RIMS1: variants seen among roughly 807,000 people sequenced by gnomAD.
The protein encoded by RIMS1 is regulating synaptic membrane exocytosis protein 1.
In RIMS1, 83 loss-of-function variants were observed where a neutral mutation model predicts 214.1. The observed-to-expected ratio is 0.39, with a 90% CI of 0.32 to 0.47. RIMS1 has a LOEUF of 0.47. RIMS1 is among the 20% of genes least tolerant of loss of function. RIMS1 has a pLI of 0.99. For missense variants in RIMS1, 2,050 were observed against 2,161.8 expected (o/e 0.95, Z 1.03); for synonymous variants, 793 against 786.8 (o/e 1.01, Z -0.13).
rs372934976 is a variant in RIMS1, at chr6:72,306,915, CAACA to C, written c.3851-338_3851-335del. Among the ~76,000 whole-genome samples, 833 of 152,206 alleles carry C rather than the reference CAACA, an allele frequency of 5.5e-3. 8 individuals carry two copies. The highest frequency in any genetic ancestry group is 0.019 in the African/African-American group (809 of 41,522). On this transcript the variant is annotated intron_variant, in intron 26 of 33. Coordinates refer to ENST00000521978, the MANE Select transcript of RIMS1 (RefSeq NM_014989.7). ...CTTGTTTTCTCTATATATGTACATG[CAACA>C]AACAGTTGTTTAAATTGAAAACATT...
chr6:71,901,283 A>G (rs1287001259), intron 1 of RIMS1, among the ~76,000 whole-genome samples: 1 of 152,098 alleles, frequency 6.6e-6, no homozygotes, highest in African/African-American at 2.4e-5. Context: ...AAAAATGAGA[A>G]CATACACTGA....
chr6:72,309,584 A>G (rs923418180), intron 27 of RIMS1, among the ~76,000 whole-genome samples: 1 of 152,088 alleles, frequency 6.6e-6, no homozygotes, highest in Non-Finnish European at 1.5e-5. Context: ...AGCATATTCT[A>G]TCTTTCCTCC....
At chr6:72,313,805 T>C in intron 28 of RIMS1, 133 bp downstream of exon 28, 1 of 864,692 alleles carries the variant, frequency 1.2e-6, no homozygotes, top group South Asian at 1.9e-5. Flanking sequence ...TACTATGTAG[T>C]ATTGCCAACA....
At chr6:72,294,584 C>A (rs931963788) in intron 26 of RIMS1, among the ~76,000 whole-genome samples, 1 of 151,528 alleles carries the variant, frequency 6.6e-6, no homozygotes, top group Non-Finnish European at 1.5e-5. Context: ...TTTCTGGGTA[C>A]AGTTATCTAC....
In RIMS1 at chr6:72,146,836, A is replaced by G. The variant is rs547689112; in HGVS notation, c.472-32739A>G. 6.6e-5 allele frequency among the ~76,000 whole-genome samples: 10 copies of G among 152,322 alleles called. No homozygotes were observed. The East Asian group carries it at 1.4e-3, about 21-fold the overall frequency. ...TGTAAATCTATTTTAAGTAGTCTCA[A>G]TTACATGTTATAATGGTAATTCTTA... On this transcript the variant is annotated intron_variant, in intron 4 of 33. Transcript: ENST00000521978.
intron 29 of RIMS1, among the ~76,000 whole-genome samples, chr6:72,338,319 A>C (rs1209627180): frequency 2.0e-5 from 3 of 151,950 alleles, no homozygotes; most frequent in South Asian, 4.1e-4. Context: ...TGTGGTTTTG[A>C]TTTGCATTTC....
At chr6:72,120,577 A>G (rs930733733) in intron 4 of RIMS1, among the ~76,000 whole-genome samples, 36 of 152,130 alleles carry the variant, frequency 2.4e-4, no homozygotes, top group African/African-American at 8.4e-4. Context: ...GGTAGATTGC[A>G]AAAATTTTCT....
intron 13 of RIMS1, 70 bp downstream of exon 13, chr6:72,250,530 T>G (rs1444732133): frequency 2.6e-6 from 3 of 1,156,796 alleles, no homozygotes; most frequent in East Asian, 5.3e-5. Flanking sequence ...TTTTCTCTTT[T>G]GGGATGTTTT....
chr6:72,359,318 T>A (rs937442887), intron 29 of RIMS1, among the ~76,000 whole-genome samples: 1 of 152,206 alleles, frequency 6.6e-6, no homozygotes, highest in Admixed American at 6.5e-5. Context: ...GGAGATTAGA[T>A]AAACATCTTC....
chr6:72,113,819 T>G (rs527346186), intron 4 of RIMS1, among the ~76,000 whole-genome samples: 33 of 152,210 alleles, frequency 2.2e-4, no homozygotes, highest in African/African-American at 7.7e-4. Context: ...CAAATGATAT[T>G]GAAATATCAA....
At chr6:72,278,679 A>T (rs910408283) in intron 23 of RIMS1, among the ~76,000 whole-genome samples, 3 of 152,102 alleles carry the variant, frequency 2.0e-5, no homozygotes, top group Admixed American at 2.0e-4. Context: ...GAATGAACAA[A>T]GTGTATCCAT....
intron 1 of RIMS1, among the ~76,000 whole-genome samples, chr6:71,892,146 C>T (rs1231421002): frequency 6.6e-6 from 1 of 152,144 alleles, no homozygotes; most frequent in Admixed American, 6.5e-5. Flanking sequence ...TGACCTCAAA[C>T]CATTATTGTT....
chr6:72,027,231 T>C (rs16882028), intron 2 of RIMS1, among the ~76,000 whole-genome samples: 3 of 152,134 alleles, frequency 2.0e-5, no homozygotes, highest in Admixed American at 2.0e-4. Context: ...CGGAAATAGA[T>C]GAACCCGGAA....
At chr6:72,339,840 G>A (rs1188515705) in intron 29 of RIMS1, among the ~76,000 whole-genome samples, 1 of 151,798 alleles carries the variant, frequency 6.6e-6, no homozygotes, top group African/African-American at 2.4e-5. Flanking sequence ...TCTAGTTCTA[G>A]ATCCCTGAGG....
intron 4 of RIMS1, among the ~76,000 whole-genome samples, chr6:72,119,984 C>G (rs973885049): frequency 6.6e-6 from 1 of 151,750 alleles, no homozygotes; most frequent in Non-Finnish European, 1.5e-5. Context: ...GACATGAACT[C>G]ATCATTTTTT....
intron 29 of RIMS1, among the ~76,000 whole-genome samples, chr6:72,373,119 AT>A (rs1442226399): frequency 2.6e-5 from 4 of 152,306 alleles, no homozygotes; most frequent in South Asian, 4.2e-4. Flanking sequence ...GGATTCTTTG[AT>A]CAGACTTTGG....
chr6:72,394,252 T>C (rs139680070), intron 31 of RIMS1, among the ~76,000 whole-genome samples: 2 of 152,296 alleles, frequency 1.3e-5, no homozygotes, highest in East Asian at 3.9e-4. Flanking sequence ...AAACTAAGAT[T>C]TGAACTAGTG....
chr6:72,324,028 A>G (rs2096306930), intron 28 of RIMS1, among the ~76,000 whole-genome samples: 1 of 29,396 alleles, frequency 3.4e-5, no homozygotes, highest in South Asian at 1.0e-3. Flanking sequence ...GCATGCATGC[A>G]TAGATAGATA....
chr6:71,957,671 G>A (rs991142603), intron 1 of RIMS1, among the ~76,000 whole-genome samples: 2 of 150,400 alleles, frequency 1.3e-5, no homozygotes, highest in Non-Finnish European at 2.9e-5. Flanking sequence ...AGTTATATGT[G>A]ATAATATAAT....
Sources: allele counts gnomAD v4.1 joint callset (sites outside exome capture counted in the v4.1 genomes callset), GRCh38; gene constraint gnomAD v4.1.1; transcripts MANE v1.5; gene names NCBI Gene and HGNC (gene_info 2026-07-23, HGNC 2026-07-21).